Variants in SH3RF2 observed in about 807,000 individuals in gnomAD.
SH3RF2 encodes the protein SH3 domain containing ring finger 2.
Under a neutral mutation model 59.0 loss-of-function variants are expected in SH3RF2, and 43 were observed. The observed-to-expected ratio is 0.73, with a 90% confidence interval of 0.57 to 0.94. The LOEUF (loss-of-function observed/expected upper bound fraction) is 0.94. Among genes scored for constraint, SH3RF2 ranks in the 40% least tolerant of loss-of-function variants. SH3RF2 has a pLI of 0.00. For synonymous variants in SH3RF2, 391 were observed against 391.5 expected, an observed-to-expected ratio of 1.00 and a Z score of 0.01; for missense variants, 930 against 940.1, an observed-to-expected ratio of 0.99 and a Z score of 0.14.
intron 2 of SH3RF2, among the ~76,000 whole-genome samples, chr5:145,999,573 A>G (rs571291164): frequency 6.6e-6 from 1 of 152,250 alleles, no homozygotes; most frequent in South Asian, 2.1e-4. Context: ...AGGCAATTGT[A>G]GGGTCATTAA....
intron 3 of SH3RF2, among the ~76,000 whole-genome samples, chr5:146,001,708 A>G (rs773059310): frequency 1.2e-4 from 18 of 152,210 alleles, no homozygotes; most frequent in Non-Finnish European, 1.9e-4. Flanking sequence ...TCATTTCTTG[A>G]GCCCATCCAT....
intron 2 of SH3RF2, among the ~76,000 whole-genome samples, chr5:145,941,575 G>A (rs1757815904): frequency 6.6e-6 from 1 of 152,184 alleles, no homozygotes; most frequent in Non-Finnish European, 1.5e-5. Context: ...GTAGGTTCCT[G>A]AATAGCTGAT....
At chr5:146,010,481 T>A (rs1760835794) in intron 4 of SH3RF2, among the ~76,000 whole-genome samples, 1 of 152,232 alleles carries the variant, frequency 6.6e-6, no homozygotes, top group Non-Finnish European at 1.5e-5. Context: ...TTGAACTAGT[T>A]TACAGTCCCA....
intron 5 of SH3RF2, among the ~76,000 whole-genome samples, chr5:146,037,469 G>C (rs1436347303): frequency 1.3e-5 from 2 of 152,136 alleles, no homozygotes; most frequent in African/African-American, 4.8e-5. Flanking sequence ...TTGAATTGAT[G>C]ATGTATGGGG....
intron 9 of SH3RF2, among the ~76,000 whole-genome samples, chr5:146,070,421 T>C (rs2906827): frequency 0.94 from 143,671 of 152,280 alleles, 68,325 homozygotes; most frequent in East Asian, 1. Flanking sequence ...AACTGAGAGT[T>C]TTATGCACAG....
intron 5 of SH3RF2, among the ~76,000 whole-genome samples, chr5:146,030,462 G>C (rs992992154): frequency 1.3e-5 from 2 of 152,186 alleles, no homozygotes; most frequent in Non-Finnish European, 1.5e-5. Flanking sequence ...TGAGGTCAGA[G>C]AACACCTATC....
chr5:146,068,830 A>G (rs1472078876), intron 9 of SH3RF2, among the ~76,000 whole-genome samples: 1 of 152,210 alleles, frequency 6.6e-6, no homozygotes, highest in African/African-American at 2.4e-5. Flanking sequence ...TTTTATTATT[A>G]AATGCTTCAC....
In SH3RF2 at chr5:146,056,093, A is replaced by G; in HGVS notation, c.1435A>G (p.Ser479Gly). The G allele has an allele frequency of 6.2e-7, 1 of 1,614,250 alleles. No individual in the cohort carries two copies. The highest frequency in any genetic ancestry group is 8.5e-7 in the Non-Finnish European group (1 of 1,180,050). The change falls in exon 8 of 10, where the codon AGC (serine) becomes GGC (glycine). Residue 479 changes from serine (S) to glycine (G), a missense_variant. Physicochemically the swap from Ser to Gly is moderately conservative, Grantham distance 56 (BLOSUM62 0). Coordinates refer to ENST00000359120, the MANE Select transcript of SH3RF2 (RefSeq NM_152550.4). ...GSISEGDPRQ[S>G]RPFKSVFVPT... ...CATTTCAGAAGGTGATCCACGGCAA[A>G]GCCGTCCCTTCAAATCCGTCTTTGT...
intron 5 of SH3RF2, among the ~76,000 whole-genome samples, chr5:146,027,129 C>G (rs574173531): frequency 2.4e-3 from 372 of 152,262 alleles, no homozygotes; most frequent in African/African-American, 8.6e-3. Flanking sequence ...AGCCCCTTTG[C>G]TTTCTTGATA....
intron 5 of SH3RF2, among the ~76,000 whole-genome samples, chr5:146,041,438 T>C (rs1263023785): frequency 6.6e-6 from 1 of 152,230 alleles, no homozygotes; most frequent in Non-Finnish European, 1.5e-5. Context: ...CGTGTCCTGC[T>C]TATTGCAGTA....
chr5:146,075,778 T>TA (rs56300547), intron 9 of SH3RF2, among the ~76,000 whole-genome samples: 2,441 of 76,798 alleles, frequency 0.032, 91 homozygotes, highest in Non-Finnish European at 0.038. Flanking sequence ...AAATTCCATG[T>TA]AAAAAAAAAA....
intron 5 of SH3RF2, among the ~76,000 whole-genome samples, chr5:146,035,475 T>C (rs1161877090): frequency 6.6e-6 from 1 of 152,148 alleles, no homozygotes; most frequent in African/African-American, 2.4e-5. Flanking sequence ...CTAAACCAGA[T>C]GAAGGAATTT....
intron 5 of SH3RF2, among the ~76,000 whole-genome samples, chr5:146,025,969 C>T (rs1561749205): frequency 6.6e-6 from 1 of 152,214 alleles, no homozygotes; most frequent in Non-Finnish European, 1.5e-5. Flanking sequence ...TTACCTTCCC[C>T]CTCTTTCCTC....
intron 2 of SH3RF2, among the ~76,000 whole-genome samples, chr5:145,975,944 A>T (rs1240129334): frequency 6.6e-6 from 1 of 152,230 alleles, no homozygotes; most frequent in Non-Finnish European, 1.5e-5. Flanking sequence ...AATAAATGTT[A>T]CTTACAGTAG....
rs145388348 is a variant in SH3RF2, at chr5:145,947,361, G to A, written c.378+9055G>A. 1.6e-4 allele frequency among the ~76,000 whole-genome samples: 25 copies of A among 152,286 alleles called. No homozygotes were observed. In the East Asian group the frequency reaches 4.8e-3, roughly 29 times the overall value. ...GTCCATTCATGAGTACTGCCTGTGT[G>A]TTTCTGGGCAAGTTACTTAGTGACT... On this transcript the variant is annotated intron_variant, in intron 2 of 9. Transcript: ENST00000359120.
Position 146,000,583 on chromosome 5 carries a change from A to T in SH3RF2, c.648+256A>T, listed in dbSNP as rs1427256976. ...CTCTAGAGAAATCTACGAATAAGTG[A>T]TAGAAGTCTGTAAGCCTTTTTTATT... On this transcript the variant is annotated intron_variant, in intron 3 of 9. Transcript: ENST00000359120. Among the ~76,000 whole-genome samples the T allele has an allele frequency of 2.6e-5, 4 of 152,224 alleles. 1 individual carries two copies. Among genetic ancestry groups the T allele is most frequent in the African/African-American group, 9.7e-5 (4 of 41,446 alleles).
intron 5 of SH3RF2, among the ~76,000 whole-genome samples, chr5:146,014,268 C>T (rs1005713296): frequency 2.0e-5 from 3 of 152,130 alleles, no homozygotes; most frequent in African/African-American, 7.2e-5. Context: ...TTACTATTAT[C>T]CCCATTTTAC....
At chr5:146,064,512 A>C (rs941552893), downstream of SH3RF2, among the ~76,000 whole-genome samples, 1 of 149,270 alleles carries the variant, frequency 6.7e-6, no homozygotes, top group African/African-American at 2.5e-5. Flanking sequence ...TTTAACGCAG[A>C]AATAACATTT....
In SH3RF2 at chr5:146,025,654, C is replaced by T. The variant is rs115033301; in HGVS notation, c.1059+11593C>T. On this transcript the variant is annotated intron_variant, in intron 5 of 9. Coordinates refer to ENST00000359120, the MANE Select transcript of SH3RF2 (RefSeq NM_152550.4). ...AAGTACAATGAGAAATCTCTCCTAC[C>T]GCATAGACTGCTGGAAACTAAATAC... is the stretch of plus-strand genomic sequence containing the variant. Among the ~76,000 whole-genome samples, 310 of 152,268 alleles carry T rather than the reference C, an allele frequency of 2.0e-3. 1 individual carries two copies. The highest frequency in any genetic ancestry group is 7.3e-3 in the African/African-American group (305 of 41,540).
Sources: gnomAD v4.1 joint callset for allele counts (sites outside exome capture counted in the v4.1 genomes callset) on GRCh38, gnomAD v4.1.1 for gene constraint, MANE v1.5 for transcripts, NCBI Gene and HGNC (gene_info 2026-07-23, HGNC 2026-07-21) for gene names.